Variants in MPPE1 observed in about 807,000 individuals in gnomAD.
MPPE1 encodes the protein metallophosphoesterase 1.
A neutral mutation model predicts 43.8 loss-of-function variants in MPPE1; 28 were observed. That is an observed-to-expected ratio of 0.64 (90% CI 0.47 to 0.88). The LOEUF (loss-of-function observed/expected upper bound fraction) is 0.88, where lower values mean the gene tolerates loss of function less well. MPPE1 is among the 40% of genes least tolerant of loss of function. The pLI is 0.00. For synonymous variants in MPPE1, 159 were observed against 188.5 expected, an observed-to-expected ratio of 0.84 and a Z score of 1.28; for missense variants, 428 against 492.2, an observed-to-expected ratio of 0.87 and a Z score of 1.23.
intron 10 of MPPE1, chr18:11,884,879 C>T: frequency 7.5e-7 from 1 of 1,332,378 alleles, no homozygotes; most frequent in Non-Finnish European, 9.7e-7. Context: ...GGACACTGAC[C>T]TGTCAAAACT....
rs529843782 is a variant in MPPE1 at position 11,884,907 on chromosome 18, G to C, written c.1009-280C>G. Reference sequence around the variant, plus strand: ...TCAAAACTGGCCCCTGGCTCACTGGGTTCCCATCAAATATAGTGGGGGATC... The same window carrying C: ...TCAAAACTGGCCCCTGGCTCACTGGCTTCCCATCAAATATAGTGGGGGATC... On this transcript the variant is annotated intron_variant, in intron 10 of 10. Transcript: ENST00000588072. 6.2e-6 allele frequency: 8 copies of C among 1,298,238 alleles called. No homozygotes were observed. The African/African-American group carries it at 1.2e-4, about 19-fold the overall frequency. The allele number at this position is 1,298,238 out of a possible 1,614,324, so 80.4% of individuals were successfully genotyped here. A position where few individuals can be genotyped will look rare whatever the true frequency, so the allele number is the denominator to read the frequency against.
chr18:11,887,015 C>T lies in MPPE1; in HGVS notation c.580G>A (p.Val194Ile), dbSNP rs1283305211. Residue 194 changes from valine to isoleucine, a missense_variant, in exon 7 of 11, where the codon GTC becomes ATC. Val to Ile is a conservative substitution (Grantham distance 29). Around this residue, in one of 3 missense-constraint regions of MPPE1, gnomAD observed 379 missense variants for 402.5 expected, o/e 0.94. Coordinates refer to ENST00000588072, the MANE Select transcript of MPPE1 (RefSeq NM_023075.6). ...FSWKGINFVM[V>I]NSVALNGDGC... ...TCCCCGTTCAGCGCCACGCTGTTGA[C>T]CATCACAAAGCTGAAGCGGAGGGAA... 1.9e-6 allele frequency: 3 copies of T among 1,612,216 alleles called. No homozygotes were observed. The highest frequency in any genetic ancestry group is 1.1e-5 in the South Asian group (1 of 90,998).
intron 4 of MPPE1, among the ~76,000 whole-genome samples, chr18:11,890,102 C>T (rs1004049584): frequency 2.7e-5 from 4 of 150,570 alleles, no homozygotes; most frequent in African/African-American, 9.7e-5. Context: ...GCCACCACGC[C>T]CGACTAATTT....
At position 11,901,234 on chromosome 18, in the gene MPPE1, A is replaced by T. The variant is rs563485876; in HGVS notation, c.-92-3878T>A. Among the ~76,000 whole-genome samples the T allele has an allele frequency of 2.8e-4, 43 of 151,728 alleles. 1 individual carries two copies. The highest frequency in any genetic ancestry group is 9.7e-4 in the African/African-American group (40 of 41,380). ...TAACTCTTGATTTATTTATTTATTT[A>T]TTTTTATTTTTTTGAGACAGAGTTT... On this transcript the variant is annotated intron_variant, in intron 2 of 10. Coordinates refer to ENST00000588072, the MANE Select transcript of MPPE1 (RefSeq NM_023075.6).
At chr18:11,892,152 C>A (rs1030839212) in intron 4 of MPPE1, among the ~76,000 whole-genome samples, 5 of 151,732 alleles carry the variant, frequency 3.3e-5, no homozygotes, top group African/African-American at 1.2e-4. Context: ...CCAGCCTGGG[C>A]AACACAGTGA....
intron 2 of MPPE1, among the ~76,000 whole-genome samples, chr18:11,900,748 A>G (rs1369182326): frequency 6.6e-6 from 1 of 151,900 alleles, no homozygotes; most frequent in Admixed American, 6.6e-5. Context: ...TCTACTAAAA[A>G]TACAAAAAAT....
At chr18:11,896,376 ACAGG>A (rs908082711) in intron 3 of MPPE1, among the ~76,000 whole-genome samples, 8 of 152,200 alleles carry the variant, frequency 5.3e-5, no homozygotes, top group African/African-American at 1.9e-4. Flanking sequence ...TGCTGGGATT[ACAGG>A]CGTGAGCCAG....
chr18:11,884,806 C>T, intron 10 of MPPE1, 179 bp from the exon 11 acceptor site: 1 of 1,391,744 alleles, frequency 7.2e-7, no homozygotes, highest in South Asian at 1.5e-5. Context: ...TCACCCCCGA[C>T]CAGCCCAGGC....
intron 10 of MPPE1, chr18:11,884,927 G>T (rs1417648751): frequency 9.3e-6 from 12 of 1,289,384 alleles, no homozygotes; most frequent in Non-Finnish European, 1.2e-5. Context: ...AATATAGTGG[G>T]GGATCCATAA....
chr18:11,884,462 T>C lies in MPPE1; in HGVS notation c.1174A>G (p.Lys392Glu). 1 of 1,614,066 alleles carries C rather than the reference T, an allele frequency of 6.2e-7. No individual in the cohort carries two copies. Among genetic ancestry groups the C allele is most frequent in the Non-Finnish European group, 8.5e-7 (1 of 1,180,002 alleles). ...PFLSGLNLLGKRKTR is the reference protein window; with the variant it reads ...PFLSGLNLLGERKTR ...CCTGCTCTTCATCTTGTCTTACGCTTTCCGAGCAAGTTCAAACCAGAAAGA... is the reference window on the plus strand; with the variant it reads ...CCTGCTCTTCATCTTGTCTTACGCTCTCCGAGCAAGTTCAAACCAGAAAGA... The change falls in exon 11 of 11, where the codon AAG becomes GAG. Residue 392 changes from lysine (K) to glutamate (E), a missense_variant. Lys to Glu is a moderately conservative substitution (Grantham distance 56). Coordinates refer to ENST00000588072, the MANE Select transcript of MPPE1 (RefSeq NM_023075.6).
intron 2 of MPPE1, among the ~76,000 whole-genome samples, chr18:11,900,151 A>G (rs2038991989): frequency 6.6e-6 from 1 of 152,182 alleles, no homozygotes; most frequent in Admixed American, 6.5e-5. Flanking sequence ...GTTCGAGACT[A>G]GCCTGGCCAA....
In MPPE1 at chr18:11,883,038, T is replaced by C. The variant is rs1481493709; in HGVS notation, c.*1407A>G. ...AAATCTAGAGAAGTGACAGCCTACA[T>C]TACTTCATTATTACTCTTCTTTTAG... On this transcript the variant is annotated 3_prime_UTR_variant, in exon 11 of 11. Coordinates refer to ENST00000588072, the MANE Select transcript of MPPE1 (RefSeq NM_023075.6). 7.5e-6 allele frequency: 1 copy of C among 133,654 alleles called. No individual in the cohort carries two copies. Among genetic ancestry groups the C allele is most frequent in the Non-Finnish European group, 1.8e-5 (1 of 56,754 alleles). 8.3% of individuals were successfully genotyped at this position (133,654 alleles called of 1,614,324 possible).
intron 10 of MPPE1, 113 bp from the exon 11 acceptor site, chr18:11,884,740 G>C: frequency 7.4e-7 from 1 of 1,347,962 alleles, no homozygotes; most frequent in East Asian, 2.4e-5. Flanking sequence ...AGGTGAGGCA[G>C]GGAACGGGCC....
At chr18:11,898,495 C>G (rs2038823312) in intron 2 of MPPE1, among the ~76,000 whole-genome samples, 1 of 152,172 alleles carries the variant, frequency 6.6e-6, no homozygotes, top group African/African-American at 2.4e-5. Context: ...GGCTTGAATT[C>G]TGCTGAATGT....
intron 2 of MPPE1, among the ~76,000 whole-genome samples, chr18:11,903,602 C>A (rs550568072): frequency 1.3e-5 from 2 of 152,050 alleles, no homozygotes; most frequent in Non-Finnish European, 2.9e-5. Flanking sequence ...GTTAGGAGAT[C>A]GAGACCATCC....
At chr18:11,885,312 A>G (rs576526368) in intron 10 of MPPE1, 70 of 286,528 alleles carry the variant, frequency 2.4e-4, no homozygotes, top group African/African-American at 1.5e-3. Flanking sequence ...TGCCAGGTCA[A>G]ATGGGCATGT....
rs1365137950 is a variant in MPPE1 at position 11,884,361 on chromosome 18, G to T, written c.*84C>A. The T allele has an allele frequency of 3.0e-6, 4 of 1,328,856 alleles. No individual in the cohort carries two copies. In the African/African-American group the frequency reaches 4.4e-5, roughly 15 times the overall value. 82.3% of individuals were successfully genotyped at this position (1,328,856 alleles called of 1,614,324 possible). A position where few individuals can be genotyped will look rare whatever the true frequency, so the allele number is the denominator to read the frequency against. ...TGTGCAGAGAGACGGCCTGTAATTG[G>T]TCTCATCATCCACTTGATTCTAACA... On this transcript the variant is annotated 3_prime_UTR_variant, in exon 11 of 11. Transcript: ENST00000588072.
chr18:11,904,307 T>TTTTA (rs1019731979), intron 2 of MPPE1, among the ~76,000 whole-genome samples: 2 of 150,514 alleles, frequency 1.3e-5, no homozygotes, highest in Non-Finnish European at 1.5e-5. Context: ...ACATAATCTT[T>TTTTA]TTTATTTATT....
chr18:11,884,644 A>C lies in MPPE1; in HGVS notation c.1009-17T>G. On this transcript the variant is annotated splice_polypyrimidine_tract_variant and intron_variant, in intron 10 of 10. Coordinates refer to ENST00000588072, the MANE Select transcript of MPPE1 (RefSeq NM_023075.6). ...GATGCTACCCTGGAAAGGAGAAGGG[A>C]AAGTTATGCTGAGAGCACCAGGCAC... The C allele has an allele frequency of 3.1e-6, 5 of 1,611,380 alleles. No individual in the cohort carries two copies. The highest frequency in any genetic ancestry group is 4.2e-6 in the Non-Finnish European group (5 of 1,178,304).
Sources: allele counts gnomAD v4.1 joint callset (sites outside exome capture counted in the v4.1 genomes callset), GRCh38; gene constraint gnomAD v4.1.1; regional missense constraint gnomAD v4.1.1; transcripts MANE v1.5; gene names NCBI Gene and HGNC (gene_info 2026-07-23, HGNC 2026-07-21).